The following TENM2 variants were observed in gnomAD, a reference collection of about 807,000 sequenced individuals.
TENM2 encodes the protein teneurin transmembrane protein 2.
Under a neutral mutation model 245.2 loss-of-function variants are expected in TENM2, and 52 were observed. The observed-to-expected ratio is 0.21, with a 90% CI of 0.17 to 0.27. The LOEUF (loss-of-function observed/expected upper bound fraction) is 0.27. TENM2 is among the 10% of genes least tolerant of loss of function. The pLI is 1.00. For synonymous variants in TENM2, 1,363 were observed against 1,438.9 expected, an observed-to-expected ratio of 0.95 and a Z score of 1.19; for missense variants, 3,046 against 3,666.8, an observed-to-expected ratio of 0.83 and a Z score of 4.37.
intron 2 of TENM2, among the ~76,000 whole-genome samples, chr5:167,640,899 A>ATATATATATC (rs1779562050): frequency 2.1e-5 from 2 of 93,120 alleles, no homozygotes; most frequent in Non-Finnish European, 4.2e-5. Context: ...ATATATATAT[A>ATATATATATC]TATATATCTT....
intron 1 of TENM2, among the ~76,000 whole-genome samples, chr5:167,313,548 A>T (rs1383278805): frequency 1.3e-5 from 2 of 152,132 alleles, no homozygotes; most frequent in African/African-American, 4.8e-5. Context: ...GAGGCAGGAG[A>T]ACCATTTGAA....
At chr5:167,342,429 A>G (rs934844789) in intron 1 of TENM2, among the ~76,000 whole-genome samples, 3 of 149,534 alleles carry the variant, frequency 2.0e-5, no homozygotes, top group Non-Finnish European at 4.4e-5. Context: ...TTCTGTCTAC[A>G]TGACTTACTG....
rs183967402 is a variant in TENM2 at position 167,535,822 on chromosome 5, G to A, written c.502+160349G>A. Among the ~76,000 whole-genome samples the A allele has an allele frequency of 1.5e-3, 223 of 152,318 alleles. 1 individual carries two copies. Among genetic ancestry groups the A allele is most frequent in the African/African-American group, 5.3e-3 (220 of 41,558 alleles). On this transcript the variant is annotated intron_variant, in intron 2 of 28. Transcript: ENST00000518659. ...ACTTAGTCTCAGGTATTTTGTTAGA[G>A]TAGCATAAATGGACTAAGACAAGCC...
At chr5:167,634,698 C>A (rs1025989714) in intron 2 of TENM2, among the ~76,000 whole-genome samples, 3 of 151,872 alleles carry the variant, frequency 2.0e-5, no homozygotes, top group African/African-American at 7.3e-5. Flanking sequence ...CTTAAGCAAT[C>A]CCATCTGAAT....
intron 12 of TENM2, among the ~76,000 whole-genome samples, chr5:168,148,779 G>A (rs1427381432): frequency 6.6e-6 from 1 of 152,102 alleles, no homozygotes; most frequent in Non-Finnish European, 1.5e-5. Context: ...GAGGTCGTTT[G>A]ACACTTACTG....
chr5:167,309,276 C>T (rs1755874838), intron 1 of TENM2, among the ~76,000 whole-genome samples: 1 of 152,138 alleles, frequency 6.6e-6, no homozygotes, highest in African/African-American at 2.4e-5. Flanking sequence ...GATACTGCAA[C>T]GTGGTCCCTG....
chr5:167,293,579 T>A (rs577897991), intron 1 of TENM2, among the ~76,000 whole-genome samples: 1 of 152,068 alleles, frequency 6.6e-6, no homozygotes, highest in South Asian at 2.1e-4. Flanking sequence ...GTTCTGAGAC[T>A]CCTGGGCATT....
intron 4 of TENM2, among the ~76,000 whole-genome samples, chr5:167,984,746 C>T (rs1783109582): frequency 6.6e-6 from 1 of 152,222 alleles, no homozygotes; most frequent in Admixed American, 6.5e-5. Context: ...CTTAAGCGAT[C>T]ACCTAGTTTT....
intron 3 of TENM2, among the ~76,000 whole-genome samples, chr5:167,909,261 G>A (rs1392882685): frequency 6.6e-6 from 1 of 151,990 alleles, no homozygotes; most frequent in East Asian, 1.9e-4. Flanking sequence ...ACTTTTGTAA[G>A]GGAAGTGGAC....
At chr5:168,209,306 C>G (rs147626284) in intron 19 of TENM2, among the ~76,000 whole-genome samples, 1 of 152,186 alleles carries the variant, frequency 6.6e-6, no homozygotes, top group Non-Finnish European at 1.5e-5. Context: ...AAATGATGCT[C>G]ATTAACCAGT....
At chr5:167,628,590 C>G (rs13187153) in intron 2 of TENM2, among the ~76,000 whole-genome samples, 1 of 152,192 alleles carries the variant, frequency 6.6e-6, no homozygotes, top group South Asian at 2.1e-4. Flanking sequence ...CCCTCCACCT[C>G]TGAGTTCCTA....
the TENM2 span, among the ~76,000 whole-genome samples, chr5:167,243,457 G>C: frequency 6.6e-6 from 1 of 151,696 alleles, no homozygotes; most frequent in Non-Finnish European, 1.5e-5. Flanking sequence ...AGTGAAGATT[G>C]GTGGGAGCCA....
rs138211831 is a variant in TENM2 at position 168,144,178 on chromosome 5, CT to C, written c.2422+17223del. ...CCAGCCTACTATACTTCTTTTAAGT[CT>C]TTTTTTTTTTATTATTATACTTTAA... On this transcript the variant is annotated intron_variant, in intron 12 of 28. Transcript: ENST00000518659. Among the ~76,000 whole-genome samples, 241 of 146,012 alleles carry C rather than the reference CT, an allele frequency of 1.7e-3. 1 individual carries two copies. The highest frequency in any genetic ancestry group is 2.1e-3 in the Non-Finnish European group (137 of 65,832).
intron 2 of TENM2, among the ~76,000 whole-genome samples, chr5:167,871,014 A>G (rs4632816): frequency 0.28 from 42,755 of 152,024 alleles, 6,983 homozygotes; most frequent in African/African-American, 0.45. Context: ...CAGAGCAGCA[A>G]TTTCACTAAT....
intron 13 of TENM2, among the ~76,000 whole-genome samples, chr5:168,178,269 C>CG (rs1432895478): frequency 6.6e-6 from 1 of 152,194 alleles, no homozygotes; most frequent in Non-Finnish European, 1.5e-5. Flanking sequence ...CACTGGCCGT[C>CG]GGCTCAGTTC....
chr5:167,609,708 C>G (rs1777342707), intron 2 of TENM2, among the ~76,000 whole-genome samples: 2 of 151,984 alleles, frequency 1.3e-5, no homozygotes, highest in African/African-American at 4.8e-5. Context: ...TTTATTCTAT[C>G]TTTTGTAGGC....
the TENM2 span, among the ~76,000 whole-genome samples, chr5:166,995,626 G>A: frequency 4.6e-5 from 7 of 151,540 alleles, no homozygotes; most frequent in African/African-American, 1.7e-4. Flanking sequence ...GACCAGCCTG[G>A]CCAACATGGT....
Position 167,957,213 on chromosome 5 carries a change from G to A in TENM2, c.947+4391G>A, listed in dbSNP as rs999486736. 3.3e-5 allele frequency among the ~76,000 whole-genome samples: 5 copies of A among 152,082 alleles called. No individual in the cohort carries two copies. In the East Asian group the frequency reaches 9.6e-4, roughly 29 times the overall value. On this transcript the variant is annotated intron_variant, in intron 4 of 28. Coordinates refer to ENST00000518659, the Ensembl canonical transcript of TENM2. Reference sequence around the variant, plus strand: ...CTGGTTTAGTCTTGAGAGGGTGTATGTGTCCAGCAATTTATCCATTTCTTC... The same window carrying A: ...CTGGTTTAGTCTTGAGAGGGTGTATATGTCCAGCAATTTATCCATTTCTTC...
intron 5 of TENM2, among the ~76,000 whole-genome samples, chr5:168,033,939 A>G (rs148578305): frequency 6.6e-6 from 1 of 151,950 alleles, no homozygotes; most frequent in African/African-American, 2.4e-5. Flanking sequence ...AGGCAGGAGA[A>G]TGGCGTGAAC....
Sources: gnomAD v4.1 joint callset for allele counts (sites outside exome capture counted in the v4.1 genomes callset) on GRCh38, gnomAD v4.1.1 for gene constraint, MANE v1.5 for transcripts, NCBI Gene and HGNC (gene_info 2026-07-23, HGNC 2026-07-21) for gene names.